Variants in DPH6 observed in about 807,000 individuals in gnomAD.
DPH6 encodes diphthine--ammonia ligase.
In DPH6, 33 loss-of-function variants were observed where a neutral mutation model predicts 38.2. The observed-to-expected ratio is 0.86, with a 90% confidence interval of 0.65 to 1.15. The LOEUF is 1.15. DPH6 is among the 50% of genes most tolerant of loss of function. DPH6 has a pLI of 0.00. For synonymous variants in DPH6, 108 were observed against 103.0 expected, an observed-to-expected ratio of 1.05 and a Z score of -0.30; for missense variants, 325 against 320.0, an observed-to-expected ratio of 1.02 and a Z score of -0.12.
chr15:35,493,891 A>T (rs904304685), intron 3 of DPH6, among the ~76,000 whole-genome samples: 1 of 152,108 alleles, frequency 6.6e-6, no homozygotes, highest in African/African-American at 2.4e-5. Context: ...AGTCTGGGAT[A>T]AAAATGTACT....
chr15:35,161,855 T>C, the DPH6 span, among the ~76,000 whole-genome samples: 1 of 151,954 alleles, frequency 6.6e-6, no homozygotes, highest in Non-Finnish European at 1.5e-5. Flanking sequence ...TTCTGTTGTT[T>C]AAGCATCCAG....
At chr15:35,326,251 C>A (rs533528891), downstream of DPH6, among the ~76,000 whole-genome samples, 9 of 152,154 alleles carry the variant, frequency 5.9e-5, no homozygotes, top group African/African-American at 2.2e-4. Flanking sequence ...AACATATTAT[C>A]ATTTTTCTTG....
chr15:35,465,481 C>T (rs947386778), intron 3 of DPH6, among the ~76,000 whole-genome samples: 4 of 152,054 alleles, frequency 2.6e-5, no homozygotes, highest in African/African-American at 9.7e-5. Flanking sequence ...GATGCTTTTT[C>T]CTTAAACTTC....
At chr15:35,219,306 T>C (rs79492328) in exon 4 of DPH6, 1 of 152,184 alleles carries the variant, frequency 6.6e-6, no homozygotes, top group East Asian at 1.9e-4. Flanking sequence ...TAAAAATTTA[T>C]CATTTAGACA....
chr15:35,461,091 A>G (rs2054061400), intron 3 of DPH6, among the ~76,000 whole-genome samples: 1 of 152,018 alleles, frequency 6.6e-6, no homozygotes, highest in African/African-American at 2.4e-5. Flanking sequence ...TTATTCATTT[A>G]TTTATTTATT....
At chr15:35,189,790 C>T in the DPH6 span, among the ~76,000 whole-genome samples, 3 of 152,056 alleles carry the variant, frequency 2.0e-5, no homozygotes, top group Non-Finnish European at 4.4e-5. Flanking sequence ...AAAGAAGGGG[C>T]GGATGGTTGA....
chr15:35,338,587 C>T (rs1426446561), intron 3 of DPH6, among the ~76,000 whole-genome samples: 1 of 152,014 alleles, frequency 6.6e-6, no homozygotes, highest in Admixed American at 6.6e-5. Flanking sequence ...ATTGGTGGGA[C>T]TGTAAACTAG....
At chr15:35,215,907 G>A (rs1194304424), downstream of DPH6, among the ~76,000 whole-genome samples, 1 of 152,240 alleles carries the variant, frequency 6.6e-6, no homozygotes, top group Admixed American at 6.5e-5. Context: ...TTTGATGGCA[G>A]TGCCTGTGCA....
chr15:35,274,897 T>C (rs1300710286), intron 3 of DPH6, among the ~76,000 whole-genome samples: 1 of 152,014 alleles, frequency 6.6e-6, no homozygotes, highest in East Asian at 1.9e-4. Flanking sequence ...ATTGGGTATA[T>C]ACCCAAAGAA....
At chr15:35,184,544 T>G in the DPH6 span, among the ~76,000 whole-genome samples, 3 of 145,970 alleles carry the variant, frequency 2.1e-5, no homozygotes, top group African/African-American at 7.5e-5. Flanking sequence ...GACGTTGACC[T>G]AAAAAAAAAA....
At chr15:35,260,554 TTAAG>T (rs2051740003) in intron 3 of DPH6, among the ~76,000 whole-genome samples, 1 of 151,402 alleles carries the variant, frequency 6.6e-6, no homozygotes, top group South Asian at 2.1e-4. Flanking sequence ...AATATTAAAC[TTAAG>T]TAATCTGAAG....
At position 35,244,723 on chromosome 15, in the gene DPH6, G is replaced by A. The variant is rs535135559; in HGVS notation, n.201-24141C>T. Among the ~76,000 whole-genome samples, 132 of 152,272 alleles carry A rather than the reference G, an allele frequency of 8.7e-4. 2 individuals are homozygous for A. The highest frequency in any genetic ancestry group is 3.1e-3 in the African/African-American group (130 of 41,534). On this transcript the variant is annotated intron_variant and non_coding_transcript_variant, in intron 3 of 3. Transcript: ENST00000560386. ...AAAACAACTTTGGATTGTGAAAGAA[G>A]AAAACTTAGGATGGGTGAGTGAAGC...
chr15:35,145,089 C>T, the DPH6 span, among the ~76,000 whole-genome samples: 1 of 152,058 alleles, frequency 6.6e-6, no homozygotes, highest in Non-Finnish European at 1.5e-5. Context: ...CTTTTCTTCT[C>T]TAGATTATTG....
chr15:35,422,116 A>G (rs949741309), intron 5 of DPH6, among the ~76,000 whole-genome samples: 2 of 149,996 alleles, frequency 1.3e-5, no homozygotes, highest in Non-Finnish European at 3.0e-5. Context: ...TATTCCTTCA[A>G]ATATATATAT....
intron 8 of DPH6, 32 bp from the exon 9 acceptor site, chr15:35,372,235 A>G: frequency 1.4e-6 from 2 of 1,442,926 alleles, no homozygotes; most frequent in Non-Finnish European, 1.8e-6. Context: ...AGGGAAGGAA[A>G]ATGCACCATA....
At chr15:35,238,579 G>A (rs1397624486) in intron 3 of DPH6, among the ~76,000 whole-genome samples, 4 of 152,104 alleles carry the variant, frequency 2.6e-5, no homozygotes, top group Non-Finnish European at 4.4e-5. Context: ...TTCTCTTCTT[G>A]GAAATTTGGG....
chr15:35,468,597 G>A (rs2054157429), intron 3 of DPH6, among the ~76,000 whole-genome samples: 1 of 152,026 alleles, frequency 6.6e-6, no homozygotes, highest in Non-Finnish European at 1.5e-5. Context: ...AGCTAAACAT[G>A]AACATAGTCA....
At chr15:35,444,568 G>A (rs937955991) in intron 5 of DPH6, among the ~76,000 whole-genome samples, 3 of 152,096 alleles carry the variant, frequency 2.0e-5, no homozygotes, top group African/African-American at 7.2e-5. Flanking sequence ...TATTAGCTTG[G>A]CTACTAGAAC....
In DPH6 at chr15:35,499,175, A is replaced by C. The variant is rs1327058070; in HGVS notation, c.312+39099T>G. On this transcript the variant is annotated intron_variant, in intron 3 of 8. Coordinates refer to ENST00000256538, the MANE Select transcript of DPH6 (RefSeq NM_080650.4). The stretch of plus-strand genomic sequence containing the variant: ...GACTGGTCTAGAACACCAGATATTA[A>C]ATAAACTTGTCCCTACTACTTATAT... 5.3e-5 allele frequency among the ~76,000 whole-genome samples: 8 copies of C among 152,070 alleles called. No individual in the cohort carries two copies. In the East Asian group the frequency reaches 1.5e-3, roughly 29 times the overall value.
Sources: gnomAD v4.1 joint callset for allele counts (sites outside exome capture counted in the v4.1 genomes callset) on GRCh38, gnomAD v4.1.1 for gene constraint, MANE v1.5 for transcripts, NCBI Gene and HGNC (gene_info 2026-07-23, HGNC 2026-07-21) for gene names.